CA10: variants seen among roughly 807,000 people sequenced by gnomAD.
The protein encoded by CA10 is carbonic anhydrase 10 (inactive).
CA10 carries 14 observed loss-of-function variants against 44.2 expected under a neutral mutation model. That is an observed-to-expected ratio of 0.32 (90% confidence interval 0.21 to 0.50). CA10 has a LOEUF of 0.50. Ranked by LOEUF, CA10 falls within the 20% of genes least tolerant of loss-of-function variation. CA10 has a pLI of 0.99. For synonymous variants in CA10, 159 were observed against 141.6 expected (o/e 1.12, Z -0.87); for missense variants, 350 against 409.7 (o/e 0.85, Z 1.26).
intron 3 of CA10, among the ~76,000 whole-genome samples, chr17:51,914,422 A>G (rs1427692385): frequency 6.6e-6 from 1 of 152,180 alleles, no homozygotes; most frequent in Admixed American, 6.5e-5. Flanking sequence ...TGGAACGTGT[A>G]AAAAAATTAA....
chr17:52,073,449 A>T (rs1987738816), intron 1 of CA10, among the ~76,000 whole-genome samples: 1 of 152,146 alleles, frequency 6.6e-6, no homozygotes, highest in South Asian at 2.1e-4. Flanking sequence ...TTCCTATGAT[A>T]TTAAGAGCCC....
chr17:51,918,537 T>C (rs1028050325), intron 3 of CA10, among the ~76,000 whole-genome samples: 2 of 152,192 alleles, frequency 1.3e-5, no homozygotes, highest in East Asian at 1.9e-4. Context: ...CTTCATCTTA[T>C]GATATTGTAT....
intron 2 of CA10, among the ~76,000 whole-genome samples, chr17:51,974,114 G>A (rs768069996): frequency 1.1e-4 from 17 of 152,152 alleles, no homozygotes; most frequent in South Asian, 2.1e-4. Flanking sequence ...GGCTGGGCGC[G>A]GTGGCTCACG....
At chr17:52,052,134 G>A (rs8073726) in intron 2 of CA10, among the ~76,000 whole-genome samples, 5,975 of 151,874 alleles carry the variant, frequency 0.039, 304 homozygotes, top group African/African-American at 0.12. Context: ...TTCAGAGGGT[G>A]GAGGGTGGGG....
intron 3 of CA10, among the ~76,000 whole-genome samples, chr17:51,756,249 C>A (rs994838359): frequency 6.6e-6 from 1 of 152,114 alleles, no homozygotes; most frequent in Non-Finnish European, 1.5e-5. Flanking sequence ...CTCATTTCAC[C>A]CTTATGCTGC....
chr17:51,755,202 G>T (rs952872874), intron 3 of CA10, among the ~76,000 whole-genome samples: 2 of 152,128 alleles, frequency 1.3e-5, no homozygotes, highest in African/African-American at 4.8e-5. Flanking sequence ...AGTATAGATG[G>T]GACCATGGAG....
At position 51,717,855 on chromosome 17, in the gene CA10, A is replaced by ACGTGTG. The variant is rs1425903311; in HGVS notation, c.465+29777_465+29778insCACACG. 3.1e-4 allele frequency among the ~76,000 whole-genome samples: 13 copies of ACGTGTG among 41,838 alleles called. 3 individuals are homozygous for ACGTGTG. The East Asian group carries it at 3.1e-3, about 10-fold the overall frequency. 27.4% of individuals were successfully genotyped at this position (41,838 alleles called of 152,430 possible). On this transcript the variant is annotated intron_variant, in intron 4 of 8. Transcript: ENST00000451037. Reference sequence around the variant, plus strand: ...TATATATATATATATATATATATATATATATATATATATACAGGATAGAAT... The same window carrying ACGTGTG: ...TATATATATATATATATATATATATACGTGTGTATATATATATATACAGGATAGAAT...
chr17:52,005,569 G>A (rs1985569485), intron 2 of CA10, among the ~76,000 whole-genome samples: 1 of 151,884 alleles, frequency 6.6e-6, no homozygotes, highest in Admixed American at 6.6e-5. Context: ...CATACTGCCT[G>A]GAAGAGCTCC....
At chr17:52,118,656 A>G (rs1988949197) in intron 1 of CA10, among the ~76,000 whole-genome samples, 1 of 152,140 alleles carries the variant, frequency 6.6e-6, no homozygotes, top group Non-Finnish European at 1.5e-5. Context: ...TTAGGGAATA[A>G]TATTAATATA....
intron 3 of CA10, among the ~76,000 whole-genome samples, chr17:51,758,525 G>A (rs1273392822): frequency 6.6e-6 from 1 of 152,146 alleles, no homozygotes; most frequent in Non-Finnish European, 1.5e-5. Context: ...ACATGTTCTT[G>A]CCACACGTAG....
intron 3 of CA10, among the ~76,000 whole-genome samples, chr17:51,789,453 C>T (rs1906424972): frequency 6.6e-6 from 1 of 152,216 alleles, no homozygotes. Flanking sequence ...TGAGTTTCTT[C>T]TATGTTCCAT....
chr17:51,743,892 C>A (rs912134774), intron 4 of CA10, among the ~76,000 whole-genome samples: 1 of 152,200 alleles, frequency 6.6e-6, no homozygotes. Flanking sequence ...ACCCACATAA[C>A]AAACCTGCAT....
intron 3 of CA10, among the ~76,000 whole-genome samples, chr17:51,768,166 C>CTTTTTTTTTTTTT (rs59128137): frequency 7.1e-6 from 1 of 141,836 alleles, no homozygotes. Context: ...TAAAGATGTG[C>CTTTTTTTTTTTTT]TTTTTTTTTT....
chr17:51,880,485 A>G (rs1203382914), intron 3 of CA10, among the ~76,000 whole-genome samples: 1 of 151,950 alleles, frequency 6.6e-6, no homozygotes, highest in African/African-American at 2.4e-5. Context: ...TATCTTTTGT[A>G]GAGATGGTGT....
intron 1 of CA10, among the ~76,000 whole-genome samples, chr17:52,096,582 C>T (rs1234013317): frequency 6.6e-6 from 1 of 152,128 alleles, no homozygotes; most frequent in Admixed American, 6.5e-5. Flanking sequence ...TATCAGATTC[C>T]AAGAAGCTCA....
intron 4 of CA10, among the ~76,000 whole-genome samples, chr17:51,683,063 C>CT (rs1914896424): frequency 6.6e-6 from 1 of 152,164 alleles, no homozygotes; most frequent in Non-Finnish European, 1.5e-5. Flanking sequence ...TTCTAATGAT[C>CT]GGCTAGATTG....
intron 4 of CA10, among the ~76,000 whole-genome samples, chr17:51,655,292 A>G (rs1248689879): frequency 6.6e-6 from 1 of 152,216 alleles, no homozygotes; most frequent in African/African-American, 2.4e-5. Flanking sequence ...TGTCACAGCA[A>G]GCACATCATA....
At chr17:52,128,665 T>C (rs150313963) in intron 1 of CA10, among the ~76,000 whole-genome samples, 247 of 152,338 alleles carry the variant, frequency 1.6e-3, no homozygotes, top group Middle Eastern at 0.01. Context: ...TAGAATTAAT[T>C]TGCCTTAATT....
chr17:51,744,340 G>A (rs1053341934), intron 4 of CA10, among the ~76,000 whole-genome samples: 1 of 151,564 alleles, frequency 6.6e-6, no homozygotes, highest in Non-Finnish European at 1.5e-5. Context: ...ATTATGGATT[G>A]TATAGAATTT....
Sources: gnomAD v4.1 joint callset for allele counts (sites outside exome capture counted in the v4.1 genomes callset) on GRCh38, gnomAD v4.1.1 for gene constraint, MANE v1.5 for transcripts, NCBI Gene and HGNC (gene_info 2026-07-23, HGNC 2026-07-21) for gene names.